The following ZNF274 variants were observed in gnomAD, a reference collection of about 807,000 sequenced individuals.
ZNF274 encodes the protein zinc finger protein 274, also known as neurotrophin receptor-interacting factor homolog.
A neutral mutation model predicts 42.5 loss-of-function variants in ZNF274; 23 were observed. The observed-to-expected ratio is 0.54, with a 90% CI of 0.39 to 0.77. The LOEUF (loss-of-function observed/expected upper bound fraction) is 0.77, where lower values mean the gene tolerates loss of function less well. Among genes scored for constraint, ZNF274 ranks in the 30% least tolerant of loss-of-function variants. The pLI is 0.00. For missense variants in ZNF274, 679 were observed against 806.5 expected, an observed-to-expected ratio of 0.84 and a Z score of 1.91; for synonymous variants, 292 against 305.4, an observed-to-expected ratio of 0.96 and a Z score of 0.46.
chr19:58,185,633 T>C, intron 2 of ZNF274, 79 bp from the exon 3 acceptor site: 1 of 1,352,140 alleles, frequency 7.4e-7, no homozygotes, highest in Non-Finnish European at 9.6e-7. Flanking sequence ...GTGCTTTCAC[T>C]GGCCTGGTCA....
At chr19:58,197,151 G>A (rs1170232452) in intron 4 of ZNF274, among the ~76,000 whole-genome samples, 1 of 152,182 alleles carries the variant, frequency 6.6e-6, no homozygotes, top group Non-Finnish European at 1.5e-5. Context: ...ATAGGGCTGG[G>A]AAGCCTTCGG....
At chr19:58,190,247 A>G (rs1283471800) in intron 4 of ZNF274, among the ~76,000 whole-genome samples, 1 of 150,366 alleles carries the variant, frequency 6.7e-6, no homozygotes, top group Non-Finnish European at 1.5e-5. Context: ...CTCTGGGTTC[A>G]AGTGATTCTC....
Position 58,206,945 on chromosome 19 carries a change from GC to G in ZNF274, c.484del (p.Gln162ArgfsTer11), listed in dbSNP as rs779984755. 1 of 1,611,468 alleles carries G rather than the reference GC, an allele frequency of 6.2e-7. No homozygotes were observed. The highest frequency in any genetic ancestry group is 8.5e-7 in the Non-Finnish European group (1 of 1,178,770). On this transcript the variant is annotated frameshift_variant, in exon 5 of 8. Transcript: ENST00000617501. LOFTEE classifies it high-confidence loss of function. Reference sequence around the variant, plus strand: ...CATCCAGGTGACCCTGAGGCCGCGCGCCAGAGGTTCCGGCAGTTCCGTTATA... The same window carrying G: ...CATCCAGGTGACCCTGAGGCCGCGCGCAGAGGTTCCGGCAGTTCCGTTATA... ...GKHPGDPEAA[R>X]QRFRQFRYKD...
intron 4 of ZNF274, among the ~76,000 whole-genome samples, chr19:58,199,377 A>ATT (rs1453974357): frequency 6.6e-6 from 1 of 151,774 alleles, no homozygotes; most frequent in Non-Finnish European, 1.5e-5. Flanking sequence ...AAAAAAAAAG[A>ATT]TTCAGCAAAA....
At chr19:58,185,994 T>G in intron 3 of ZNF274, 156 bp downstream of exon 3, 3 of 514,074 alleles carry the variant, frequency 5.8e-6, no homozygotes. Context: ...AGTCCATCCC[T>G]CCCTGAATAC....
rs374653690 is a variant in ZNF274, at chr19:58,185,666, C to T, written c.34-46C>T. 273 of 1,385,552 alleles carry T rather than the reference C, an allele frequency of 2.0e-4. 2 individuals are homozygous for T. The South Asian group carries it at 3.4e-3, about 17-fold the overall frequency. The allele number at this position is 1,385,552 out of a possible 1,614,324, so 85.8% of individuals were successfully genotyped here. ...TCAGCCTCCCCTGTCTTTCTTTTGT[C>T]GTGGATGCGGATGGCCTGTGGCTGA... On this transcript the variant is annotated intron_variant, in intron 2 of 7. Coordinates refer to ENST00000617501, the MANE Select transcript of ZNF274 (RefSeq NM_133502.3).
chr19:58,183,829 C>G (rs2075661338), intron 1 of ZNF274, 92 bp from the exon 2 acceptor site: 1 of 829,178 alleles, frequency 1.2e-6, no homozygotes, highest in African/African-American at 1.7e-5. Context: ...TGTCATTTCC[C>G]GCTGAGGGAG....
chr19:58,184,539 T>A (rs1056805379), intron 2 of ZNF274: 1 of 155,740 alleles, frequency 6.4e-6, no homozygotes, highest in Admixed American at 6.3e-5. Context: ...TCTGGAACTC[T>A]TGACCTAAGG....
At chr19:58,187,749 G>A (rs1187868642) in intron 4 of ZNF274, among the ~76,000 whole-genome samples, 1 of 147,664 alleles carries the variant, frequency 6.8e-6, no homozygotes, top group Admixed American at 6.8e-5. Context: ...TTTTTGAGAT[G>A]GAATCTCACT....
chr19:58,183,672 G>C (rs2075658672), intron 1 of ZNF274: 1 of 350,572 alleles, frequency 2.9e-6, no homozygotes, highest in Non-Finnish European at 5.3e-6. Context: ...GCCTCCGGAA[G>C]CGTGGGGTCT....
Position 58,212,455 on chromosome 19 carries a change from C to T in ZNF274, c.1274C>T (p.Pro425Leu), listed in dbSNP as rs11883089. The T allele has an allele frequency of 2.9e-5, 47 of 1,612,578 alleles. No homozygotes were observed. In the South Asian group the frequency reaches 5.1e-4, roughly 17 times the overall value. Residue 425 changes from proline to leucine, a missense_variant, in exon 8 of 8, where the codon CCT (proline) becomes CTT (leucine). Coordinates refer to ENST00000617501, the MANE Select transcript of ZNF274 (RefSeq NM_133502.3). This position sits in a 1 kb window ranked among gnomAD's most constrained non-coding sequence, Gnocchi z 4.6. ...GTTTCGCTCCAGAAAATTGACAACCCTGAGTCCCAGGCAAACAGTGGCGCT... is the reference window on the plus strand; with the variant it reads ...GTTTCGCTCCAGAAAATTGACAACCTTGAGTCCCAGGCAAACAGTGGCGCT... ...NQVSLQKIDN[P>L]ESQANSGALD...
At chr19:58,194,211 G>A (rs544687898) in intron 4 of ZNF274, among the ~76,000 whole-genome samples, 30 of 152,018 alleles carry the variant, frequency 2.0e-4, no homozygotes, top group Admixed American at 5.2e-4. Flanking sequence ...AAATATGTGT[G>A]TGTGTGGGTG....
At chr19:58,188,605 C>CAA (rs1163562490) in intron 4 of ZNF274, among the ~76,000 whole-genome samples, 1,212 of 48,718 alleles carry the variant, frequency 0.025, 17 homozygotes, top group South Asian at 0.043. Flanking sequence ...GACTCCATCT[C>CAA]AAAAAAAAAA....
chr19:58,196,413 T>C (rs1568702486), intron 4 of ZNF274, among the ~76,000 whole-genome samples: 1 of 152,006 alleles, frequency 6.6e-6, no homozygotes, highest in Non-Finnish European at 1.5e-5. Context: ...ATAGAAAAAA[T>C]TAGCCACACA....
In ZNF274 at chr19:58,203,594, A is replaced by G. The variant is rs551276078; in HGVS notation, c.257-3126A>G. ...AACTCCGTCTCAAAAAAAAAAAAAA[A>G]AAGAAAAAAACGCTGTAATTGAAAG... On this transcript the variant is annotated intron_variant, in intron 4 of 7. Coordinates refer to ENST00000617501, the MANE Select transcript of ZNF274 (RefSeq NM_133502.3). Among the ~76,000 whole-genome samples the G allele has an allele frequency of 2.5e-3, 386 of 151,954 alleles. 1 individual carries two copies. Among genetic ancestry groups the G allele is most frequent in the African/African-American group, 8.9e-3 (370 of 41,430 alleles).
At chr19:58,192,315 G>C (rs745463146) in intron 4 of ZNF274, among the ~76,000 whole-genome samples, 1 of 152,190 alleles carries the variant, frequency 6.6e-6, no homozygotes, top group Non-Finnish European at 1.5e-5. Context: ...GAGGCAGGCA[G>C]GGCCCGCAGT....
chr19:58,201,171 ATT>A (rs35433225), intron 4 of ZNF274, among the ~76,000 whole-genome samples: 174 of 112,674 alleles, frequency 1.5e-3, no homozygotes, highest in Middle Eastern at 5.3e-3. Context: ...CGCCTGGCTA[ATT>A]TTTTTTTTTT....
At chr19:58,189,213 AG>A (rs2075749598) in intron 4 of ZNF274, among the ~76,000 whole-genome samples, 1 of 152,072 alleles carries the variant, frequency 6.6e-6, no homozygotes, top group South Asian at 2.1e-4. Flanking sequence ...ACCTTTATGT[AG>A]TCTCTATACA....
chr19:58,198,033 G>A lies in ZNF274; in HGVS notation c.257-8687G>A, dbSNP rs866706875. ...GTAGTAATTAAGAAGGAAAACAAAC[G>A]AACTAAGTGTTTGAAGCAGACATTT... On this transcript the variant is annotated intron_variant, in intron 4 of 7. Coordinates refer to ENST00000617501, the MANE Select transcript of ZNF274 (RefSeq NM_133502.3). Among the ~76,000 whole-genome samples, 8 of 151,734 alleles carry A rather than the reference G, an allele frequency of 5.3e-5. No individual in the cohort carries two copies. In the South Asian group the frequency reaches 8.3e-4, roughly 16 times the overall value.
Sources: gnomAD v4.1 joint callset for allele counts (sites outside exome capture counted in the v4.1 genomes callset) on GRCh38, gnomAD v4.1.1 for gene constraint, Gnocchi (gnomAD v3.1) non-coding constraint, MANE v1.5 for transcripts, NCBI Gene and HGNC (gene_info 2026-07-23, HGNC 2026-07-21) for gene names.